EIF2AK3: variants seen among roughly 807,000 people sequenced by gnomAD.
The protein encoded by EIF2AK3 is eukaryotic translation initiation factor 2 alpha kinase 3, also known as eukaryotic translation initiation factor 2-alpha kinase 3.
In EIF2AK3, 50 loss-of-function variants were observed where a neutral mutation model predicts 113.5. The observed-to-expected ratio is 0.44, with a 90% CI of 0.35 to 0.56. The LOEUF (loss-of-function observed/expected upper bound fraction) is 0.56. Among genes scored for constraint, EIF2AK3 ranks in the 20% least tolerant of loss-of-function variants. The pLI, the probability that EIF2AK3 is intolerant of heterozygous loss-of-function variation, is 0.00. For synonymous variants in EIF2AK3, 448 were observed against 495.4 expected (o/e 0.90, Z 1.27); for missense variants, 1,185 against 1,378.0 (o/e 0.86, Z 2.22).
chr2:88,607,286 G>C (rs2104460421), intron 2 of EIF2AK3, among the ~76,000 whole-genome samples: 1 of 152,198 alleles, frequency 6.6e-6, no homozygotes, highest in Non-Finnish European at 1.5e-5. Context: ...CTTTTATCAA[G>C]GTTGAATCTG....
At chr2:88,605,970 G>A (rs906863714) in intron 2 of EIF2AK3, among the ~76,000 whole-genome samples, 9 of 152,224 alleles carry the variant, frequency 5.9e-5, no homozygotes, top group South Asian at 2.1e-4. Context: ...CAGCAGATCC[G>A]GGTATTAGTC....
intron 14 of EIF2AK3, among the ~76,000 whole-genome samples, chr2:88,564,089 A>G (rs1394473345): frequency 2.6e-5 from 4 of 152,182 alleles, no homozygotes; most frequent in Non-Finnish European, 5.9e-5. Flanking sequence ...TATCTAAAAA[A>G]TAAGGAATTA....
intron 14 of EIF2AK3, among the ~76,000 whole-genome samples, chr2:88,565,017 T>A (rs1264415586): frequency 6.6e-6 from 1 of 151,806 alleles, no homozygotes; most frequent in African/African-American, 2.4e-5. Context: ...AATAAATTTT[T>A]AAAAACACAA....
Position 88,557,777 on chromosome 2 carries a change from T to C in EIF2AK3, c.3310A>G (p.Arg1104Gly). The change falls in exon 17 of 17, where the codon AGA becomes GGA. Residue 1104 changes from arginine to glycine, a missense_variant. Arg to Gly is a moderately radical substitution (Grantham distance 125). Around this residue, in one of 3 missense-constraint regions of EIF2AK3, gnomAD observed 877 missense variants for 1,024.2 expected, o/e 0.86. Transcript: ENST00000303236. ...SLSSSGTKHS[R>G]QSNNSHSPLP... is the part of the protein sequence containing the mutation. ...GGGCTATGGGAGTTGTTGGACTGTCTTGAATGTTTTGTTCCCGATGAACTC... is the reference window on the plus strand; with the variant it reads ...GGGCTATGGGAGTTGTTGGACTGTCCTGAATGTTTTGTTCCCGATGAACTC... 1.2e-6 allele frequency: 2 copies of C among 1,614,174 alleles called. No homozygotes were observed. The highest frequency in any genetic ancestry group is 1.7e-6 in the Non-Finnish European group (2 of 1,179,992).
chr2:88,591,151 T>A (rs970473175), intron 4 of EIF2AK3, 99 bp from the exon 5 acceptor site: 4 of 1,093,910 alleles, frequency 3.7e-6, no homozygotes, highest in South Asian at 1.3e-5. Flanking sequence ...ACTAAAATTA[T>A]GTGATGAGAA....
At position 88,585,889 on chromosome 2, in the gene EIF2AK3, T is replaced by C. The variant is rs1398538548; in HGVS notation, c.1602A>G (p.Ile534Met). Residue 534 changes from isoleucine (I) to methionine (M), a missense_variant, in exon 9 of 17, where the codon ATA becomes ATG. By Grantham distance (10) the Ile-to-Met change is conservative (BLOSUM62 1). Around this residue, in one of 3 missense-constraint regions of EIF2AK3, gnomAD observed 877 missense variants for 1,024.2 expected, o/e 0.86. Transcript: ENST00000303236. ...EIVATILFCI[I>M]ATTFIVRRLF... Reference sequence around the variant, plus strand: ...GCCTGCGCACAATAAACGTTGTTGCTATGATACAAAACAAAATCGTTGCAA... The same window carrying C: ...GCCTGCGCACAATAAACGTTGTTGCCATGATACAAAACAAAATCGTTGCAA... 1 of 1,614,146 alleles carries C rather than the reference T, an allele frequency of 6.2e-7. No homozygotes were observed. The highest frequency in any genetic ancestry group is 2.2e-5 in the East Asian group (1 of 44,868).
rs770012108 is a variant in EIF2AK3 at position 88,627,089 on chromosome 2, C to T, written c.186G>A (p.Ala62=). Residue 62 remains alanine, a synonymous_variant, in exon 1 of 17, where the codon GCG becomes GCA. Coordinates refer to ENST00000303236, the MANE Select transcript of EIF2AK3 (RefSeq NM_004836.7). ...TCACCTCGGCCGCAGCCACGGCGCC[C>T]GCCGCCGGTACTCGCGTCGCTGAGG... The part of the protein sequence containing the change: ...APTSATRVPA[A]GAVAAAEVTV... 13 of 1,553,308 alleles carry T rather than the reference C, an allele frequency of 8.4e-6. No homozygotes were observed. In the East Asian group the frequency reaches 2.9e-4, roughly 35 times the overall value.
chr2:88,620,715 T>C (rs1256390644), intron 1 of EIF2AK3, among the ~76,000 whole-genome samples: 1 of 152,240 alleles, frequency 6.6e-6, no homozygotes, highest in African/African-American at 2.4e-5. Context: ...CTGTCCTTGA[T>C]ATTTTTCTCA....
intron 13 of EIF2AK3, chr2:88,574,443 A>G (rs1674397464): frequency 1.7e-6 from 1 of 590,546 alleles, no homozygotes; most frequent in Non-Finnish European, 3.0e-6. Flanking sequence ...ATGAACACAA[A>G]CACATTACTG....
intron 1 of EIF2AK3, among the ~76,000 whole-genome samples, chr2:88,624,409 G>T (rs879146896): frequency 6.6e-6 from 1 of 152,154 alleles, no homozygotes; most frequent in African/African-American, 2.4e-5. Flanking sequence ...GGGGCAGAAG[G>T]GCCTGAATCT....
chr2:88,574,656 A>G lies in EIF2AK3; in HGVS notation c.2817+10T>C. ...TGAAACCCCAAGGGTGATGCTCCACAAATACAGACCTTGAGGTCCCTGTGC... is the reference window on the plus strand; with the variant it reads ...TGAAACCCCAAGGGTGATGCTCCACGAATACAGACCTTGAGGTCCCTGTGC... On this transcript the variant is annotated intron_variant, in intron 13 of 16. Coordinates refer to ENST00000303236, the MANE Select transcript of EIF2AK3 (RefSeq NM_004836.7). 6.2e-7 allele frequency: 1 copy of G among 1,613,912 alleles called. No individual in the cohort carries two copies. The highest frequency in any genetic ancestry group is 1.1e-5 in the South Asian group (1 of 91,074).
chr2:88,606,430 A>G (rs1675280321), intron 2 of EIF2AK3, among the ~76,000 whole-genome samples: 1 of 152,220 alleles, frequency 6.6e-6, no homozygotes, highest in African/African-American at 2.4e-5. Context: ...AATATAACAA[A>G]ATTAAATTAA....
At chr2:88,569,118 T>C (rs184982737) in intron 14 of EIF2AK3, among the ~76,000 whole-genome samples, 271 of 152,292 alleles carry the variant, frequency 1.8e-3, no homozygotes, top group Admixed American at 2.5e-3. Context: ...CTCGAACTCC[T>C]GGCCTCAGGT....
chr2:88,599,124 G>A (rs1178747361), intron 2 of EIF2AK3, among the ~76,000 whole-genome samples: 1 of 151,936 alleles, frequency 6.6e-6, no homozygotes, highest in Admixed American at 6.6e-5. Flanking sequence ...CAAGAGTCTT[G>A]CAGGAGCTCT....
chr2:88,607,396 C>A (rs1675305745), intron 2 of EIF2AK3, among the ~76,000 whole-genome samples: 1 of 152,144 alleles, frequency 6.6e-6, no homozygotes, highest in Admixed American at 6.5e-5. Context: ...ATGCTTAGAA[C>A]CTAAGCACAT....
intron 13 of EIF2AK3, among the ~76,000 whole-genome samples, chr2:88,573,138 C>T (rs973340391): frequency 6.9e-5 from 10 of 145,052 alleles, no homozygotes; most frequent in African/African-American, 2.1e-4. Context: ...TTGGGGGTGG[C>T]GCACTAGAAA....
chr2:88,585,755 G>A (rs1309748605), intron 9 of EIF2AK3, 86 bp downstream of exon 9: 2 of 1,313,438 alleles, frequency 1.5e-6, no homozygotes, highest in Non-Finnish European at 2.1e-6. Context: ...TGGAGCAGTA[G>A]GGATGGAAGC....
In EIF2AK3 at chr2:88,619,502, A is replaced by G. The variant is rs534131113; in HGVS notation, c.309-5649T>C. On this transcript the variant is annotated intron_variant, in intron 1 of 16. Coordinates refer to ENST00000303236, the MANE Select transcript of EIF2AK3 (RefSeq NM_004836.7). The stretch of plus-strand genomic sequence containing the variant: ...TACTTGTTATCACCATAACAGGCTC[A>G]GGAAACTTCTTTCCCACAATCTATT... Among the ~76,000 whole-genome samples, 13 of 152,346 alleles carry G rather than the reference A, an allele frequency of 8.5e-5. No individual in the cohort carries two copies. The South Asian group carries it at 2.7e-3, about 32-fold the overall frequency.
intron 11 of EIF2AK3, among the ~76,000 whole-genome samples, chr2:88,577,814 G>A (rs1573395552): frequency 6.6e-6 from 1 of 152,062 alleles, no homozygotes; most frequent in East Asian, 1.9e-4. Flanking sequence ...TCATGCACTT[G>A]GCCATCCCTC....
Sources: allele counts gnomAD v4.1 joint callset (sites outside exome capture counted in the v4.1 genomes callset), GRCh38; gene constraint gnomAD v4.1.1; regional missense constraint gnomAD v4.1.1; transcripts MANE v1.5; gene names NCBI Gene and HGNC (gene_info 2026-07-23, HGNC 2026-07-21).